NUP58: variants seen among roughly 807,000 people sequenced by gnomAD.
NUP58 encodes the protein nucleoporin p58/p45.
In NUP58, 17 loss-of-function variants were observed where a neutral mutation model predicts 70.1. The ratio of observed to expected loss-of-function variants is 0.24; its 90% CI spans 0.17 to 0.36. The LOEUF (loss-of-function observed/expected upper bound fraction) is 0.36, where lower values mean the gene tolerates loss of function less well. NUP58 is among the 10% of genes least tolerant of loss of function. The pLI is 1.00. For synonymous variants in NUP58, 275 were observed against 257.6 expected, an observed-to-expected ratio of 1.07 and a Z score of -0.65; for missense variants, 644 against 701.5, an observed-to-expected ratio of 0.92 and a Z score of 0.93.
At chr13:25,328,509 C>T (rs2031489172) in intron 12 of NUP58, among the ~76,000 whole-genome samples, 1 of 151,148 alleles carries the variant, frequency 6.6e-6, no homozygotes, top group Non-Finnish European at 1.5e-5. Flanking sequence ...GATTCTCATG[C>T]CTCAGCCTCC....
chr13:25,339,985 T>A lies in NUP58; in HGVS notation c.1651T>A (p.Ser551Thr). ...ATAAGGCTTTGGCAGCTCAAGTACA[T>A]CTGGGTTTAACTTCAGCAATCCTGG... ...LSAGFGSSST[S>T]GFNFSNPGIT... The change falls in exon 16 of 16, where the codon TCT (serine) becomes ACT (threonine). Residue 551 changes from serine to threonine, a missense_variant. Physicochemically the swap from Ser to Thr is moderately conservative, Grantham distance 58. Around this residue, in one of 4 missense-constraint regions of NUP58, gnomAD observed 132 missense variants for 203.9 expected, o/e 0.65. Transcript: ENST00000381736. 1 of 1,607,564 alleles carries A rather than the reference T, an allele frequency of 6.2e-7. No homozygotes were observed. Among genetic ancestry groups the A allele is most frequent in the Non-Finnish European group, 8.5e-7 (1 of 1,177,656 alleles).
downstream of NUP58, among the ~76,000 whole-genome samples, chr13:25,342,892 C>CT (rs2031993980): frequency 1.3e-5 from 2 of 151,928 alleles, no homozygotes; most frequent in Admixed American, 6.6e-5. Context: ...TTTTTCCCTT[C>CT]TATTAGTATA....
In NUP58 at chr13:25,312,920, C is replaced by A; in HGVS notation, c.324C>A (p.Phe108Leu). The A allele has an allele frequency of 6.2e-7, 1 of 1,613,764 alleles. No homozygotes were observed. Among genetic ancestry groups the A allele is most frequent in the Non-Finnish European group, 8.5e-7 (1 of 1,179,834 alleles). The change falls in exon 4 of 16, where the codon TTC (phenylalanine) becomes TTA (leucine). Residue 108 changes from phenylalanine to leucine, a missense_variant. Physicochemically the swap from Phe to Leu is conservative, Grantham distance 22 (BLOSUM62 0). Around this residue, in one of 4 missense-constraint regions of NUP58, gnomAD observed 430 missense variants for 409.2 expected, o/e 1.05. Transcript: ENST00000381736. ...PATTSAATTG[F>L]SLGFNKPAAS... ...CTACATCTGCAGCTACAACAGGCTT[C>A]AGTTTAGGATTCAATAAACCTGCAG... is the stretch of plus-strand genomic sequence containing the variant.
chr13:25,323,369 A>T (rs927915631), intron 9 of NUP58, among the ~76,000 whole-genome samples: 1 of 40,862 alleles, frequency 2.4e-5, no homozygotes, highest in African/African-American at 3.4e-5. Context: ...CTTAAAAAAT[A>T]AAATTAAATT....
chr13:25,347,418 A>G (rs1435324265), downstream of NUP58, among the ~76,000 whole-genome samples: 1 of 152,202 alleles, frequency 6.6e-6, no homozygotes, highest in East Asian at 1.9e-4. Flanking sequence ...TCAGCTAAAA[A>G]CAGCACTGGT....
chr13:25,347,116 T>C (rs2032059814), downstream of NUP58, among the ~76,000 whole-genome samples: 1 of 152,304 alleles, frequency 6.6e-6, no homozygotes, highest in Admixed American at 6.5e-5. Flanking sequence ...AAATAATTTT[T>C]TGTGTGAAAT....
intron 3 of NUP58, among the ~76,000 whole-genome samples, chr13:25,311,873 C>T (rs975972507): frequency 6.6e-6 from 1 of 151,894 alleles, no homozygotes; most frequent in Non-Finnish European, 1.5e-5. Context: ...TAATGGAGTA[C>T]AGGAGAAGGA....
At chr13:25,325,906 C>T (rs917324748) in intron 10 of NUP58, among the ~76,000 whole-genome samples, 6 of 152,108 alleles carry the variant, frequency 3.9e-5, no homozygotes, top group Non-Finnish European at 5.9e-5. Flanking sequence ...TTTTGGTCTA[C>T]AGAAAAGTTT....
intron 12 of NUP58, among the ~76,000 whole-genome samples, chr13:25,330,721 T>A (rs1277957837): frequency 1.3e-5 from 2 of 152,112 alleles, no homozygotes; most frequent in Non-Finnish European, 2.9e-5. Flanking sequence ...TTACAAACAC[T>A]TTTTTTCTTT....
downstream of NUP58, among the ~76,000 whole-genome samples, chr13:25,347,171 C>T (rs1258352144): frequency 6.6e-6 from 1 of 152,084 alleles, no homozygotes; most frequent in Admixed American, 6.5e-5. Context: ...GTGGAATTTT[C>T]CATTTGTGGC....
chr13:25,318,551 GCT>G (rs1178595635), intron 6 of NUP58, among the ~76,000 whole-genome samples: 1 of 152,070 alleles, frequency 6.6e-6, no homozygotes, highest in East Asian at 1.9e-4. Flanking sequence ...TGTTGAAATA[GCT>G]CTTAGAAATA....
At chr13:25,308,396 G>A (rs932608202) in intron 2 of NUP58, among the ~76,000 whole-genome samples, 4 of 151,834 alleles carry the variant, frequency 2.6e-5, no homozygotes, top group African/African-American at 4.8e-5. Flanking sequence ...GCAGCCTCTC[G>A]GGCCCAAGTG....
At position 25,318,333 on chromosome 13, in the gene NUP58, TA is replaced by T. The variant is rs927594831; in HGVS notation, c.686-983del. Among the ~76,000 whole-genome samples, 426 of 149,612 alleles carry T rather than the reference TA, an allele frequency of 2.8e-3. 6 individuals carry two copies. The highest frequency in any genetic ancestry group is 9.9e-3 in the African/African-American group (407 of 40,948). On this transcript the variant is annotated intron_variant, in intron 6 of 15. Transcript: ENST00000381736. ...CTAGAGTGAGACTCCGTCTCAGAAA[TA>T]AAAAAAAAATTTGTAGCCACAGGGT...
intron 3 of NUP58, 124 bp from the exon 4 acceptor site, chr13:25,312,759 C>T (rs2030731873): frequency 1.2e-6 from 1 of 854,734 alleles, no homozygotes; most frequent in Non-Finnish European, 1.8e-6. Flanking sequence ...ATACACCCTT[C>T]TTCTATTGGC....
At chr13:25,324,344 G>A (rs2031306680) in intron 9 of NUP58, among the ~76,000 whole-genome samples, 1 of 152,196 alleles carries the variant, frequency 6.6e-6, no homozygotes, top group Non-Finnish European at 1.5e-5. Context: ...AATGTGGAAT[G>A]TAAGGGGGTA....
intron 5 of NUP58, 99 bp from the exon 6 acceptor site, chr13:25,315,258 A>G: frequency 2.3e-6 from 2 of 851,702 alleles, no homozygotes; most frequent in South Asian, 1.7e-5. Flanking sequence ...TATGAAGAAA[A>G]TCTAGGATCC....
At chr13:25,301,902 C>G (rs867746775) in intron 1 of NUP58, 22 bp downstream of exon 1, 1 of 1,543,488 alleles carries the variant, frequency 6.5e-7, no homozygotes, top group Non-Finnish European at 8.9e-7. Flanking sequence ...TTCTCGCCTT[C>G]CTGGGCCGGA....
chr13:25,305,310 G>C (rs1472237544), intron 1 of NUP58, among the ~76,000 whole-genome samples: 1 of 151,774 alleles, frequency 6.6e-6, no homozygotes, highest in Non-Finnish European at 1.5e-5. Context: ...GGCACGCCTG[G>C]CTAATTTTTG....
At chr13:25,327,977 A>G (rs1041164233) in intron 12 of NUP58, among the ~76,000 whole-genome samples, 2 of 151,990 alleles carry the variant, frequency 1.3e-5, no homozygotes, top group Non-Finnish European at 2.9e-5. Context: ...GAGGCGGGCG[A>G]ATCACAAAGT....
Sources: allele counts gnomAD v4.1 joint callset (sites outside exome capture counted in the v4.1 genomes callset), GRCh38; gene constraint gnomAD v4.1.1; regional missense constraint gnomAD v4.1.1; transcripts MANE v1.5; gene names NCBI Gene and HGNC (gene_info 2026-07-23, HGNC 2026-07-21).